PDE4D: variants seen among roughly 807,000 people sequenced by gnomAD.
PDE4D encodes the protein 3',5'-cyclic-AMP phosphodiesterase 4D.
In PDE4D, 24 loss-of-function variants were observed where a neutral mutation model predicts 87.4. That is an observed-to-expected ratio of 0.27 (90% CI 0.20 to 0.39). PDE4D has a LOEUF of 0.39. Ranked by LOEUF, PDE4D falls within the 10% of genes least tolerant of loss-of-function variation. PDE4D has a pLI of 1.00. For missense variants in PDE4D, 714 were observed against 1,041.0 expected (o/e 0.69, Z 4.32); for synonymous variants, 384 against 383.2 (o/e 1.00, Z -0.02).
At position 60,440,484 on chromosome 5, in the gene PDE4D, TAAAC is replaced by T. The variant is rs138545448; in HGVS notation, c.-90+47454_-90+47457del. Among the ~76,000 whole-genome samples the T allele has an allele frequency of 8.8e-3, 1,342 of 152,168 alleles. 17 individuals carry two copies. The highest frequency in any genetic ancestry group is 0.031 in the African/African-American group (1,268 of 41,506). On this transcript the variant is annotated intron_variant, in intron 1 of 16. Coordinates refer to the PDE4D transcript ENST00000502484. ...GATAGGCTGTGAAATTTCAGAAACA[TAAAC>T]AATCCTGGTATGATAGGTGAAGGAT...
At chr5:59,937,558 G>C (rs926951562) in intron 3 of PDE4D, among the ~76,000 whole-genome samples, 1 of 152,132 alleles carries the variant, frequency 6.6e-6, no homozygotes, top group African/African-American at 2.4e-5. Context: ...CCTTCTCACT[G>C]TGTCCTCACA....
At chr5:59,800,239 TG>T in intron 1 of PDE4D, among the ~76,000 whole-genome samples, 1 of 152,168 alleles carries the variant, frequency 6.6e-6, no homozygotes, top group East Asian at 1.9e-4. Flanking sequence ...CAATGGAACA[TG>T]TGCGACAATA....
intron 1 of PDE4D, among the ~76,000 whole-genome samples, chr5:60,340,607 TAAAA>T (rs10583972): frequency 0.19 from 26,929 of 138,552 alleles, 2,616 homozygotes; most frequent in South Asian, 0.38. Flanking sequence ...TCACATCATT[TAAAA>T]AAAAAAAAAA....
At chr5:60,375,515 T>C (rs1164599338) in intron 1 of PDE4D, among the ~76,000 whole-genome samples, 1 of 152,234 alleles carries the variant, frequency 6.6e-6, no homozygotes, top group East Asian at 1.9e-4. Flanking sequence ...ATATCATTTA[T>C]TGAGTACTTA....
intron 7 of PDE4D, 99 bp from the exon 8 acceptor site, chr5:58,992,103 C>T (rs1748050442): frequency 3.9e-6 from 3 of 770,840 alleles, no homozygotes; most frequent in Non-Finnish European, 5.4e-6. Context: ...TTATATATTC[C>T]AGGAAATGTT....
At chr5:60,314,262 G>T (rs775816863) in intron 1 of PDE4D, among the ~76,000 whole-genome samples, 19 of 151,778 alleles carry the variant, frequency 1.3e-4, no homozygotes, top group Non-Finnish European at 2.4e-4. Context: ...CATCTCCTGA[G>T]TTCAAGTAAT....
At chr5:59,940,386 A>G (rs1757055594) in intron 3 of PDE4D, among the ~76,000 whole-genome samples, 2 of 152,278 alleles carry the variant, frequency 1.3e-5, no homozygotes, top group African/African-American at 2.4e-5. Context: ...ACCAGATAGG[A>G]GACTTGTGCA....
intron 1 of PDE4D, among the ~76,000 whole-genome samples, chr5:59,710,255 G>A (rs922617763): frequency 2.6e-5 from 4 of 152,144 alleles, no homozygotes; most frequent in Non-Finnish European, 4.4e-5. Flanking sequence ...AGGCCATCTC[G>A]TTTAGCCGAA....
rs1561402852 is a variant in PDE4D at position 59,649,904 on chromosome 5, C to CTTTTTTTT, written c.455+243263_455+243264insAAAAAAAA. Among the ~76,000 whole-genome samples the CTTTTTTTT allele has an allele frequency of 4.5e-3, 335 of 73,942 alleles. 70 individuals carry two copies. Among genetic ancestry groups the CTTTTTTTT allele is most frequent in the African/African-American group, 5.9e-3 (112 of 19,064 alleles). The allele number at this position is 73,942 out of a possible 152,430, so 48.5% of individuals were successfully genotyped here. On this transcript the variant is annotated intron_variant, in intron 1 of 14. Coordinates refer to ENST00000340635, the MANE Select transcript of PDE4D (RefSeq NM_001104631.2). ...TGTTAAAATGTTGATAGTTTGTGAA[C>CTTTTTTTT]CTTTTTTTTTTTTTTTTTTTTTTTT...
chr5:60,483,235 T>C (rs991748122), intron 1 of PDE4D, among the ~76,000 whole-genome samples: 4 of 152,154 alleles, frequency 2.6e-5, no homozygotes, highest in Admixed American at 2.0e-4. Context: ...TAATCATGAC[T>C]CAACTGCAGC....
chr5:59,926,534 T>A (rs1447743145), intron 3 of PDE4D, among the ~76,000 whole-genome samples: 1 of 151,842 alleles, frequency 6.6e-6, no homozygotes, highest in East Asian at 1.9e-4. Flanking sequence ...GAAATTGAAA[T>A]GAAGAAAACA....
intron 5 of PDE4D, chr5:59,039,219 C>A: frequency 2.4e-6 from 3 of 1,272,284 alleles, no homozygotes; most frequent in Non-Finnish European, 3.0e-6. Context: ...CCAGGGAGGG[C>A]GTGCAAAGAG....
intron 3 of PDE4D, among the ~76,000 whole-genome samples, chr5:59,978,903 T>C (rs1050253369): frequency 4.6e-5 from 7 of 151,566 alleles, no homozygotes; most frequent in Non-Finnish European, 8.8e-5. Context: ...AAGGCTCTAA[T>C]GGTTGTTAGC....
At chr5:59,077,763 C>T (rs1765960878) in intron 5 of PDE4D, among the ~76,000 whole-genome samples, 1 of 152,160 alleles carries the variant, frequency 6.6e-6, no homozygotes, top group Admixed American at 6.5e-5. Context: ...ACACACCTTC[C>T]ATTCCCACCC....
At chr5:60,498,727 T>C (rs75392424) in intron 1 of PDE4D, among the ~76,000 whole-genome samples, 2,370 of 152,178 alleles carry the variant, frequency 0.016, 65 homozygotes, top group African/African-American at 0.055. Flanking sequence ...AATCAGCTTG[T>C]TTTTTTTAAT....
chr5:59,535,995 G>A (rs1815145448), intron 1 of PDE4D, among the ~76,000 whole-genome samples: 1 of 152,114 alleles, frequency 6.6e-6, no homozygotes, highest in African/African-American at 2.4e-5. Context: ...ACATTGTTTG[G>A]GATGGGTTGT....
chr5:59,766,255 A>G (rs917799925), intron 1 of PDE4D, among the ~76,000 whole-genome samples: 3 of 152,204 alleles, frequency 2.0e-5, no homozygotes, highest in Non-Finnish European at 4.4e-5. Flanking sequence ...GTTTTAGTCC[A>G]TAGGGGAAAC....
In PDE4D at chr5:58,970,656, A is replaced by G. The variant is rs1398048749; in HGVS notation, c.*4008T>C. 3 of 152,182 alleles carry G rather than the reference A, an allele frequency of 2.0e-5. No individual in the cohort carries two copies. The highest frequency in any genetic ancestry group is 4.4e-5 in the Non-Finnish European group (3 of 68,022). 9.4% of individuals were successfully genotyped at this position (152,182 alleles called of 1,614,324 possible). ...CGTTTAAATAGATGGGTTTACATAT[A>G]TGTAAGGACATTTGGTTTATCTTAG... On this transcript the variant is annotated 3_prime_UTR_variant, in exon 15 of 15. Transcript: ENST00000340635.
Position 59,885,852 on chromosome 5 carries a change from T to C in PDE4D, c.455+7316A>G, listed in dbSNP as rs1445779330. Among the ~76,000 whole-genome samples the C allele has an allele frequency of 3.3e-5, 5 of 152,318 alleles. No individual in the cohort carries two copies. The East Asian group carries it at 7.7e-4, about 23-fold the overall frequency. The stretch of plus-strand genomic sequence containing the variant: ...TCCTCATACCAACCTATACTCACAG[T>C]ATCTCTTGTTTCATTACATTACAAT... On this transcript the variant is annotated intron_variant, in intron 1 of 14. Transcript: ENST00000340635.
Sources: gnomAD v4.1 joint callset for allele counts (sites outside exome capture counted in the v4.1 genomes callset) on GRCh38, gnomAD v4.1.1 for gene constraint, MANE v1.5 for transcripts, NCBI Gene and HGNC (gene_info 2026-07-23, HGNC 2026-07-21) for gene names.